Variants in DEFA4 observed in about 807,000 individuals in gnomAD.
DEFA4 encodes corticostatin.
In DEFA4, 8 loss-of-function variants were observed where a neutral mutation model predicts 4.4. The observed-to-expected ratio is 1.82, with a 90% confidence interval of 1.07 to 3.29. DEFA4 has a LOEUF of 3.29. Ranked by LOEUF, DEFA4 falls within the 30% of genes most tolerant of loss-of-function variation. The probability of loss-of-function intolerance (pLI) is 0.00; values close to 1 mark genes in which losing one functional copy is unlikely to be tolerated. For missense variants in DEFA4, 216 were observed against 127.0 expected (o/e 1.70, Z -3.37); for synonymous variants, 77 against 46.5 (o/e 1.66, Z -2.67).
At chr8:6,936,256 C>G in intron 2 of DEFA4, 115 bp from the exon 3 acceptor site, 1 of 1,367,900 alleles carries the variant, frequency 7.3e-7, no homozygotes, top group Non-Finnish European at 1.0e-6. Context: ...GCATTAGTGC[C>G]GGTAGCACAA....
chr8:6,936,872 T>G lies in DEFA4; in HGVS notation c.28A>C (p.Ile10Leu). 1 of 1,610,554 alleles carries G rather than the reference T, an allele frequency of 6.2e-7. No individual in the cohort carries two copies. Among genetic ancestry groups the G allele is most frequent in the Non-Finnish European group, 8.5e-7 (1 of 1,178,172 alleles). Residue 10 changes from isoleucine (I) to leucine (L), a missense_variant, in exon 2 of 3, where the codon ATT (isoleucine) becomes CTT (leucine). Ile to Leu is a conservative substitution (Grantham distance 5). Coordinates refer to ENST00000297435, the MANE Select transcript of DEFA4 (RefSeq NM_001925.3). Reference sequence around the variant, plus strand: ...CGGACCTGGAGGGCTACCAAGAGAATAGCAGCGAGGAGGGCGATAATCCTC... The same window carrying G: ...CGGACCTGGAGGGCTACCAAGAGAAGAGCAGCGAGGAGGGCGATAATCCTC... Reference protein sequence around the residue: MRIIALLAAILLVALQVRAG... With the variant: MRIIALLAALLLVALQVRAG...
intron 1 of DEFA4, among the ~76,000 whole-genome samples, chr8:6,937,155 G>A (rs1346237635): frequency 3.9e-5 from 6 of 152,098 alleles, no homozygotes; most frequent in South Asian, 4.2e-4. Flanking sequence ...GAAGTTGATG[G>A]TGATGATGAG....
At chr8:6,936,246 G>C in intron 2 of DEFA4, 105 bp from the exon 3 acceptor site, 1 of 1,458,726 alleles carries the variant, frequency 6.9e-7, no homozygotes, top group Non-Finnish European at 9.4e-7. Context: ...GATGCTGGCT[G>C]CATTAGTGCC....
chr8:6,936,903 TG>T lies in DEFA4; in HGVS notation c.-5del. 2 of 1,589,770 alleles carry T rather than the reference TG, an allele frequency of 1.3e-6. No individual in the cohort carries two copies. The highest frequency in any genetic ancestry group is 2.3e-5 in the East Asian group (1 of 44,166). ...CGAGGAGGGCGATAATCCTCATGGC[TG>T]GGGTGACCTGGAGGAGGGAGAGCAG... On this transcript the variant is annotated 5_prime_UTR_variant, in exon 2 of 3. Coordinates refer to ENST00000297435, the MANE Select transcript of DEFA4 (RefSeq NM_001925.3).
intron 1 of DEFA4, among the ~76,000 whole-genome samples, chr8:6,937,165 G>A (rs910455774): frequency 8.5e-5 from 13 of 152,056 alleles, no homozygotes; most frequent in Admixed American, 3.9e-4. Flanking sequence ...GTGATGATGA[G>A]GACCCTGGCA....
chr8:6,936,619 T>C, intron 2 of DEFA4, 109 bp downstream of exon 2: 1 of 1,152,712 alleles, frequency 8.7e-7, no homozygotes, highest in Non-Finnish European at 1.2e-6. Flanking sequence ...GGCCCAGAGA[T>C]GGTAAGTAAA....
chr8:6,936,831 C>G lies in DEFA4; in HGVS notation c.69G>C (p.Gln23His). The part of the protein sequence containing the change: ...VALQVRAGPL[Q>H]ARGDEAPGQE... ...GGCCTGGAGCCTCATCACCTCTTGC[C>G]TGGAGTGGGCCTGCCCGGACCTGGA... Residue 23 changes from glutamine to histidine, a missense_variant, in exon 2 of 3, where the codon CAG (glutamine) becomes CAC (histidine). By Grantham distance (24) the Gln-to-His change is conservative. Transcript: ENST00000297435. The G allele has an allele frequency of 1.9e-6, 3 of 1,613,560 alleles. 1 individual carries two copies. The highest frequency in any genetic ancestry group is 2.5e-6 in the Non-Finnish European group (3 of 1,179,784).
Position 6,936,055 on chromosome 8 carries a change from C to A in DEFA4, c.259G>T (p.Val87Leu). 8.7e-6 allele frequency: 14 copies of A among 1,614,016 alleles called. No individual in the cohort carries two copies. Among genetic ancestry groups the A allele is most frequent in the Non-Finnish European group, 1.2e-5 (14 of 1,179,992 alleles). ...CGCGTGCAGCAGTATGTGAAACTCA[C>A]ACCACCAATGAGGCAGTTCCCAACA... ...LRVGNCLIGG[V>L]SFTYCCTRVD Residue 87 changes from valine to leucine, a missense_variant, in exon 3 of 3, where the codon GTG (valine) becomes TTG (leucine). Transcript: ENST00000297435.
At chr8:6,937,960 A>C (rs2117341101) in intron 1 of DEFA4, among the ~76,000 whole-genome samples, 1 of 152,310 alleles carries the variant, frequency 6.6e-6, no homozygotes, top group Admixed American at 6.5e-5. Flanking sequence ...CTCTCACAAT[A>C]AAATAATGTT....
At chr8:6,936,198 A>G in intron 2 of DEFA4, 57 bp from the exon 3 acceptor site, 1 of 1,602,610 alleles carries the variant, frequency 6.2e-7, no homozygotes, top group Non-Finnish European at 8.5e-7. Context: ...GTGGGTGGTA[A>G]AGGGAATCTT....
At position 6,936,118 on chromosome 8, in the gene DEFA4, A is replaced by G. The variant is rs1808839170; in HGVS notation, c.196T>C (p.Ser66Pro). The G allele has an allele frequency of 6.2e-7, 1 of 1,613,938 alleles. No individual in the cohort carries two copies. The highest frequency in any genetic ancestry group is 8.5e-7 in the Non-Finnish European group (1 of 1,180,042). The change falls in exon 3 of 3, where the codon TCT becomes CCT. Residue 66 changes from serine (S) to proline (P), a missense_variant. By Grantham distance (74) the Ser-to-Pro change is moderately conservative. Transcript: ENST00000297435. Reference sequence around the variant, plus strand: ...CGCCGGCAGAATACTAATCTGCAAGAGCAGACCATGCCCCTTGTTGAGCCT... The same window carrying G: ...CGCCGGCAGAATACTAATCTGCAAGGGCAGACCATGCCCCTTGTTGAGCCT... ...VSGSTRGMVCSCRLVFCRRTE... is the reference protein window; with the variant it reads ...VSGSTRGMVCPCRLVFCRRTE...
intron 2 of DEFA4, 44 bp downstream of exon 2, chr8:6,936,684 C>A (rs369131069): frequency 6.7e-7 from 1 of 1,501,800 alleles, no homozygotes; most frequent in South Asian, 1.4e-5. Flanking sequence ...ATCTCCCATC[C>A]GTCTCTCTAG....
intron 1 of DEFA4, among the ~76,000 whole-genome samples, chr8:6,937,151 G>A (rs932539849): frequency 1.3e-5 from 2 of 152,124 alleles, no homozygotes; most frequent in Non-Finnish European, 2.9e-5. Flanking sequence ...GGTTGAAGTT[G>A]ATGGTGATGA....
At chr8:6,936,187 G>A (rs1808842669) in intron 2 of DEFA4, 46 bp from the exon 3 acceptor site, 6 of 1,607,286 alleles carry the variant, frequency 3.7e-6, no homozygotes, top group Middle Eastern at 3.5e-4. Context: ...CAAGGTCAGC[G>A]GTGGGTGGTA....
At chr8:6,936,208 TGGA>T (rs1182238759) in intron 2 of DEFA4, 67 bp from the exon 3 acceptor site, 15 of 1,596,980 alleles carry the variant, frequency 9.4e-6, no homozygotes. Flanking sequence ...AAGGGAATCT[TGGA>T]GAAGTCACAT....
chr8:6,937,902 AAAAC>A (rs1808930366), intron 1 of DEFA4, among the ~76,000 whole-genome samples: 2 of 152,196 alleles, frequency 1.3e-5, no homozygotes, highest in Admixed American at 6.5e-5. Context: ...TCAATAGCAA[AAAAC>A]AAACAACCTG....
At chr8:6,936,239 G>T in intron 2 of DEFA4, 98 bp from the exon 3 acceptor site, 1 of 1,517,304 alleles carries the variant, frequency 6.6e-7, no homozygotes. Flanking sequence ...GACCGGTGAT[G>T]CTGGCTGCAT....
At chr8:6,937,919 T>C (rs1443736865) in intron 1 of DEFA4, among the ~76,000 whole-genome samples, 2 of 152,128 alleles carry the variant, frequency 1.3e-5, no homozygotes, top group African/African-American at 2.4e-5. Context: ...ACAACCTGAT[T>C]GAAAAACAGA....
At chr8:6,936,630 G>A in intron 2 of DEFA4, 98 bp downstream of exon 2, 1 of 1,296,694 alleles carries the variant, frequency 7.7e-7, no homozygotes, top group Non-Finnish European at 1.0e-6. Context: ...GGTAAGTAAA[G>A]CCACCTAAGT....
Sources: allele counts gnomAD v4.1 joint callset (sites outside exome capture counted in the v4.1 genomes callset), GRCh38; gene constraint gnomAD v4.1.1; transcripts MANE v1.5; gene names NCBI Gene and HGNC (gene_info 2026-07-23, HGNC 2026-07-21).